TUSC3: variants seen among roughly 807,000 people sequenced by gnomAD.
TUSC3 encodes the protein dolichyl-diphosphooligosaccharide--protein glycosyltransferase subunit TUSC3.
Under a neutral mutation model 44.8 loss-of-function variants are expected in TUSC3, and 45 were observed. The ratio of observed to expected loss-of-function variants is 1.00; its 90% CI spans 0.79 to 1.29. TUSC3 has a LOEUF of 1.29. Among genes scored for constraint, TUSC3 ranks in the 50% most tolerant of loss-of-function variants. TUSC3 has a pLI of 0.00. For synonymous variants in TUSC3, 212 were observed against 152.9 expected (o/e 1.39, Z -2.85); for missense variants, 519 against 437.9 (o/e 1.19, Z -1.65).
chr8:15,648,204 C>T (rs1018836333), intron 2 of TUSC3, among the ~76,000 whole-genome samples: 3 of 152,158 alleles, frequency 2.0e-5, no homozygotes, highest in African/African-American at 7.2e-5. Flanking sequence ...TCGACTCTGT[C>T]TTCTAACATT....
chr8:15,815,591 C>T, the TUSC3 span, among the ~76,000 whole-genome samples: 1 of 152,090 alleles, frequency 6.6e-6, no homozygotes, highest in African/African-American at 2.4e-5. Flanking sequence ...GACCTGGAAA[C>T]AGAAGCATCT....
intron 8 of TUSC3, among the ~76,000 whole-genome samples, chr8:15,746,196 T>A (rs1452375798): frequency 6.6e-6 from 1 of 152,106 alleles, no homozygotes; most frequent in African/African-American, 2.4e-5. Context: ...AGTAAATTTT[T>A]AAATCTTACA....
At chr8:15,429,964 G>A (rs1799851967) in intron 1 of TUSC3, among the ~76,000 whole-genome samples, 1 of 151,534 alleles carries the variant, frequency 6.6e-6, no homozygotes, top group Admixed American at 6.6e-5. Context: ...ACCAATAACA[G>A]CCTCTGAAAT....
the TUSC3 span, among the ~76,000 whole-genome samples, chr8:15,824,970 A>G: frequency 6.6e-6 from 1 of 152,148 alleles, no homozygotes; most frequent in Non-Finnish European, 1.5e-5. Flanking sequence ...TATATAAACT[A>G]GACACTTGAG....
At chr8:15,752,549 A>T (rs1015934682) in intron 9 of TUSC3, among the ~76,000 whole-genome samples, 1 of 152,138 alleles carries the variant, frequency 6.6e-6, no homozygotes, top group Non-Finnish European at 1.5e-5. Context: ...TTTTTCCAGA[A>T]CATCATAGTG....
chr8:15,827,269 A>G, the TUSC3 span, among the ~76,000 whole-genome samples: 1 of 152,236 alleles, frequency 6.6e-6, no homozygotes, highest in African/African-American at 2.4e-5. Flanking sequence ...TAACTCATGT[A>G]AGACTGAAAA....
chr8:15,842,373 T>G, the TUSC3 span, among the ~76,000 whole-genome samples: 4 of 152,186 alleles, frequency 2.6e-5, no homozygotes, highest in African/African-American at 9.7e-5. Context: ...ACTGTGAAGA[T>G]TAAACTTGAT....
chr8:15,687,855 A>T (rs1264765947), intron 6 of TUSC3, among the ~76,000 whole-genome samples: 1 of 152,214 alleles, frequency 6.6e-6, no homozygotes. Context: ...TCAGAAAAAA[A>T]TTGTTTTCCC....
chr8:15,700,917 G>A (rs985405727), intron 6 of TUSC3, among the ~76,000 whole-genome samples: 1 of 134,402 alleles, frequency 7.4e-6, no homozygotes, highest in Non-Finnish European at 1.5e-5. Context: ...GTATCATCCA[G>A]TCCAGGATAT....
At chr8:15,489,669 A>T (rs1448018429) in intron 2 of TUSC3, among the ~76,000 whole-genome samples, 1 of 152,178 alleles carries the variant, frequency 6.6e-6, no homozygotes, top group African/African-American at 2.4e-5. Flanking sequence ...ACTGCCACAA[A>T]GAGTCTGTTT....
intron 1 of TUSC3, among the ~76,000 whole-genome samples, chr8:15,586,104 G>T (rs1013462449): frequency 7.9e-6 from 1 of 126,690 alleles, no homozygotes; most frequent in African/African-American, 3.1e-5. Flanking sequence ...ATGATTAACA[G>T]TGCTAAATAA....
At chr8:15,816,430 ATAG>A in the TUSC3 span, among the ~76,000 whole-genome samples, 1 of 152,144 alleles carries the variant, frequency 6.6e-6, no homozygotes, top group African/African-American at 2.4e-5. Flanking sequence ...AATAATTCTG[ATAG>A]TAAAACTCTT....
In TUSC3 at chr8:15,764,949, C is replaced by T. The variant is rs1812287263; in HGVS notation, c.*793C>T. The T allele has an allele frequency of 6.6e-6, 1 of 151,920 alleles. No homozygotes were observed. Among genetic ancestry groups the T allele is most frequent in the African/African-American group, 2.4e-5 (1 of 41,344 alleles). 9.4% of individuals were successfully genotyped at this position (151,920 alleles called of 1,614,324 possible). ...ACTATCCATTTTCGAGCAAACCTAA[C>T]CCACTATATCCATTTTGCTCATGTG... On this transcript the variant is annotated 3_prime_UTR_variant, in exon 11 of 11. Transcript: ENST00000503731.
chr8:15,691,905 C>G (rs1349474595), intron 6 of TUSC3, among the ~76,000 whole-genome samples: 2 of 152,036 alleles, frequency 1.3e-5, no homozygotes, highest in African/African-American at 4.8e-5. Flanking sequence ...CAGCCTCACC[C>G]AAGTAACTGG....
the TUSC3 span, among the ~76,000 whole-genome samples, chr8:15,844,595 T>C: frequency 6.6e-6 from 1 of 152,174 alleles, no homozygotes; most frequent in Non-Finnish European, 1.5e-5. Context: ...GTTGCTAAAA[T>C]GAAAAGACAA....
At chr8:15,505,011 A>C (rs974852892) in intron 2 of TUSC3, among the ~76,000 whole-genome samples, 3 of 152,146 alleles carry the variant, frequency 2.0e-5, no homozygotes, top group African/African-American at 7.2e-5. Flanking sequence ...TACTGTATCA[A>C]CATCTATTAA....
At chr8:15,654,219 TATA>T (rs1585197093) in intron 3 of TUSC3, among the ~76,000 whole-genome samples, 1 of 152,182 alleles carries the variant, frequency 6.6e-6, no homozygotes, top group East Asian at 1.9e-4. Context: ...CTTTCAGCTT[TATA>T]ATTTTGTATT....
At chr8:15,590,795 C>G (rs977126786) in intron 1 of TUSC3, among the ~76,000 whole-genome samples, 1 of 151,844 alleles carries the variant, frequency 6.6e-6, no homozygotes, top group African/African-American at 2.4e-5. Context: ...CCACAGCCAC[C>G]CAAGTAGCTG....
Position 15,437,185 on chromosome 8 carries a change from T to C in TUSC3, n.91+19880T>C, listed in dbSNP as rs115932939. On this transcript the variant is annotated intron_variant and non_coding_transcript_variant, in intron 1 of 5. Transcript: ENST00000503191. Reference sequence around the variant, plus strand: ...CTAATCATTAGTCCCATAGTAATTGTATTAATTGTATTACATGAACAAAGA... The same window carrying C: ...CTAATCATTAGTCCCATAGTAATTGCATTAATTGTATTACATGAACAAAGA... Among the ~76,000 whole-genome samples, 324 of 152,328 alleles carry C rather than the reference T, an allele frequency of 2.1e-3. 2 individuals carry two copies. The highest frequency in any genetic ancestry group is 7.6e-3 in the African/African-American group (315 of 41,574).
Sources: allele counts gnomAD v4.1 joint callset (sites outside exome capture counted in the v4.1 genomes callset), GRCh38; gene constraint gnomAD v4.1.1; transcripts MANE v1.5; gene names NCBI Gene and HGNC (gene_info 2026-07-23, HGNC 2026-07-21).